Variants in MAGI2 observed in about 807,000 individuals in gnomAD.
MAGI2 encodes the protein membrane associated guanylate kinase, WW and PDZ domain containing 2.
A neutral mutation model predicts 133.3 loss-of-function variants in MAGI2; 35 were observed. The ratio of observed to expected loss-of-function variants is 0.26; its 90% CI spans 0.20 to 0.35. The LOEUF is 0.35. MAGI2 is among the 10% of genes least tolerant of loss of function. The pLI, the probability that MAGI2 is intolerant of heterozygous loss-of-function variation, is 1.00. For synonymous variants in MAGI2, 729 were observed against 710.6 expected (o/e 1.03, Z -0.41); for missense variants, 1,636 against 1,863.4 (o/e 0.88, Z 2.25).
intron 1 of MAGI2, among the ~76,000 whole-genome samples, chr7:79,123,158 TA>T (rs1171675565): frequency 6.6e-6 from 1 of 152,168 alleles, no homozygotes; most frequent in African/African-American, 2.4e-5. Context: ...CCACAACTAA[TA>T]AATATTCAAG....
At chr7:78,796,741 C>G (rs1033215394) in intron 2 of MAGI2, among the ~76,000 whole-genome samples, 1 of 152,008 alleles carries the variant, frequency 6.6e-6, no homozygotes, top group Admixed American at 6.6e-5. Flanking sequence ...AAGTGTCTAT[C>G]AACAAATGAA....
At chr7:78,850,704 C>T (rs1037392594) in intron 2 of MAGI2, among the ~76,000 whole-genome samples, 2 of 152,040 alleles carry the variant, frequency 1.3e-5, no homozygotes, top group Non-Finnish European at 2.9e-5. Flanking sequence ...CAGGACTTTG[C>T]TTTGAGGGAG....
chr7:78,402,978 T>C (rs1797029253), intron 6 of MAGI2, among the ~76,000 whole-genome samples: 1 of 152,232 alleles, frequency 6.6e-6, no homozygotes, highest in Non-Finnish European at 1.5e-5. Context: ...CTATGACATA[T>C]TTGTTTTAAA....
intron 10 of MAGI2, among the ~76,000 whole-genome samples, chr7:78,203,846 G>A (rs1214421227): frequency 6.6e-6 from 1 of 152,194 alleles, no homozygotes; most frequent in Admixed American, 6.5e-5. Flanking sequence ...GAAGACAGAA[G>A]GTCAAATTTT....
At chr7:78,485,251 A>C (rs2110629) in intron 6 of MAGI2, 80,811 of 151,788 alleles carry the variant, frequency 0.53, 23,263 homozygotes, top group East Asian at 0.82. Context: ...CTTGCTAAAC[A>C]GCACTCCCCC....
intron 2 of MAGI2, among the ~76,000 whole-genome samples, chr7:78,696,932 C>T (rs1563368830): frequency 6.6e-6 from 1 of 152,026 alleles, no homozygotes; most frequent in Non-Finnish European, 1.5e-5. Flanking sequence ...ACCACCAATC[C>T]AGCCTTTATT....
chr7:78,060,482 G>A (rs1043665673), intron 21 of MAGI2, among the ~76,000 whole-genome samples: 2 of 152,226 alleles, frequency 1.3e-5, no homozygotes, highest in African/African-American at 2.4e-5. Flanking sequence ...CTAGGTTCCT[G>A]GCTTCAAGGA....
At chr7:78,368,812 T>C (rs1240303855) in intron 7 of MAGI2, among the ~76,000 whole-genome samples, 1 of 152,200 alleles carries the variant, frequency 6.6e-6, no homozygotes. Flanking sequence ...AAATCTGTTT[T>C]AATAGAACAT....
rs535925938 is a variant in MAGI2 at position 78,320,712 on chromosome 7, C to T, written c.1408+23066G>A. On this transcript the variant is annotated intron_variant, in intron 9 of 21. Transcript: ENST00000354212. ...GAAGTACTCCCTTGGAAAACTGGCACAAGACAAGGATGCCCTCTCTCACCA... is the reference window on the plus strand; with the variant it reads ...GAAGTACTCCCTTGGAAAACTGGCATAAGACAAGGATGCCCTCTCTCACCA... Among the ~76,000 whole-genome samples the T allele has an allele frequency of 7.2e-4, 109 of 152,270 alleles. 4 individuals carry two copies. Among genetic ancestry groups the T allele is most frequent in the Non-Finnish European group, 6.6e-4 (45 of 68,030 alleles).
chr7:78,320,958 A>C (rs560874546), intron 9 of MAGI2, among the ~76,000 whole-genome samples: 64 of 152,206 alleles, frequency 4.2e-4, no homozygotes, highest in Non-Finnish European at 5.3e-4. Context: ...CAAAAATCAC[A>C]AGCATTCCTA....
intron 1 of MAGI2, among the ~76,000 whole-genome samples, chr7:79,024,332 T>C (rs942527348): frequency 1.3e-5 from 2 of 151,988 alleles, no homozygotes; most frequent in Non-Finnish European, 2.9e-5. Context: ...AAAAATTAAC[T>C]CAAGATGGAT....
At chr7:79,342,759 GTTTA>G (rs1047483918) in intron 1 of MAGI2, among the ~76,000 whole-genome samples, 2 of 151,846 alleles carry the variant, frequency 1.3e-5, no homozygotes, top group African/African-American at 2.4e-5. Flanking sequence ...TTATTTGTTT[GTTTA>G]TTTATTTATT....
chr7:78,080,368 A>C (rs1227510196), intron 20 of MAGI2, among the ~76,000 whole-genome samples: 1 of 152,160 alleles, frequency 6.6e-6, no homozygotes, highest in African/African-American at 2.4e-5. Flanking sequence ...CCACAGAAAA[A>C]CCAAGAAGAC....
At chr7:79,200,644 T>G (rs1828529850) in intron 1 of MAGI2, among the ~76,000 whole-genome samples, 1 of 151,502 alleles carries the variant, frequency 6.6e-6, no homozygotes, top group Non-Finnish European at 1.5e-5. Context: ...TATTGATATA[T>G]CTCATTTCAC....
At chr7:79,288,052 G>A (rs550386399) in intron 1 of MAGI2, among the ~76,000 whole-genome samples, 3 of 151,950 alleles carry the variant, frequency 2.0e-5, no homozygotes, top group South Asian at 2.1e-4. Flanking sequence ...ATTTATCAAC[G>A]CATATATATG....
chr7:78,772,900 A>G (rs1203157386), intron 2 of MAGI2, among the ~76,000 whole-genome samples: 1 of 152,212 alleles, frequency 6.6e-6, no homozygotes, highest in East Asian at 1.9e-4. Context: ...GCTTCTAATA[A>G]CCAAATCTGC....
chr7:78,981,247 C>G (rs1004435503), intron 2 of MAGI2, among the ~76,000 whole-genome samples: 1 of 151,538 alleles, frequency 6.6e-6, no homozygotes, highest in Non-Finnish European at 1.5e-5. Context: ...GTGTCTCCTT[C>G]TAGAATTCCT....
intron 1 of MAGI2, among the ~76,000 whole-genome samples, chr7:79,306,546 C>A (rs573941260): frequency 3.2e-4 from 48 of 152,026 alleles, no homozygotes; most frequent in Admixed American, 1.1e-3. Context: ...GAGCATTTGA[C>A]CTTCAATATG....
intron 10 of MAGI2, among the ~76,000 whole-genome samples, chr7:78,247,593 A>T (rs1791934074): frequency 6.6e-6 from 1 of 152,210 alleles, no homozygotes; most frequent in African/African-American, 2.4e-5. Flanking sequence ...TAACAAAGAG[A>T]TGGATATCTA....
Sources: allele counts gnomAD v4.1 joint callset (sites outside exome capture counted in the v4.1 genomes callset), GRCh38; gene constraint gnomAD v4.1.1; transcripts MANE v1.5; gene names NCBI Gene and HGNC (gene_info 2026-07-23, HGNC 2026-07-21).